Variants in LOXHD1 observed in about 807,000 individuals in gnomAD.
LOXHD1 encodes lipoxygenase homology PLAT domains 1, also known as lipoxygenase homology domain-containing protein 1.
LOXHD1 carries 205 observed loss-of-function variants against 248.2 expected under a neutral mutation model. The ratio of observed to expected loss-of-function variants is 0.83; its 90% CI spans 0.74 to 0.93. LOXHD1 has a LOEUF of 0.93. Among genes scored for constraint, LOXHD1 ranks in the 40% least tolerant of loss-of-function variants. LOXHD1 has a pLI of 0.00. For synonymous variants in LOXHD1, 1,113 were observed against 1,162.8 expected, an observed-to-expected ratio of 0.96 and a Z score of 0.87; for missense variants, 2,930 against 2,971.6, an observed-to-expected ratio of 0.99 and a Z score of 0.33.
At chr18:46,497,434 CT>C (rs2033944366) in intron 37 of LOXHD1, among the ~76,000 whole-genome samples, 1 of 152,108 alleles carries the variant, frequency 6.6e-6, no homozygotes, top group Non-Finnish European at 1.5e-5. Flanking sequence ...ATCAGGAAAA[CT>C]AAGAAAGTCT....
chr18:46,548,980 G>A lies in LOXHD1; in HGVS notation c.3351-1922C>T, dbSNP rs555904337. On this transcript the variant is annotated intron_variant, in intron 21 of 40. Transcript: ENST00000642948. ...CCTCTCAGAACCTGCTCCTTGTACC[G>A]ACAGAACCAAAGCAGGAGTCAGGTA... Among the ~76,000 whole-genome samples the A allele has an allele frequency of 4.8e-4, 73 of 152,248 alleles. 1 individual carries two copies. The South Asian group carries it at 0.014, about 29-fold the overall frequency.
chr18:46,508,592 C>G (rs867121029), intron 35 of LOXHD1, among the ~76,000 whole-genome samples: 3 of 152,222 alleles, frequency 2.0e-5, no homozygotes, highest in Non-Finnish European at 2.9e-5. Flanking sequence ...GTGTGTTGTT[C>G]TAAGCCTCTA....
intron 2 of LOXHD1, among the ~76,000 whole-genome samples, chr18:46,643,063 C>G (rs1003694773): frequency 1.3e-5 from 2 of 152,242 alleles, no homozygotes; most frequent in Non-Finnish European, 2.9e-5. Flanking sequence ...GGCTCAGACT[C>G]TCTTGGTAAT....
intron 13 of LOXHD1, among the ~76,000 whole-genome samples, chr18:46,578,201 T>C (rs1270959489): frequency 6.6e-6 from 1 of 152,234 alleles, no homozygotes; most frequent in Non-Finnish European, 1.5e-5. Flanking sequence ...TCTAGAGGGA[T>C]ACTGGGCCCC....
At chr18:46,592,175 T>A in intron 11 of LOXHD1, 107 bp from the exon 12 acceptor site, 3 of 1,421,568 alleles carry the variant, frequency 2.1e-6, no homozygotes, top group Non-Finnish European at 1.9e-6. Context: ...GGCTATTTCC[T>A]GGAGATAATC....
At chr18:46,642,945 A>T (rs561921264) in intron 2 of LOXHD1, among the ~76,000 whole-genome samples, 4 of 152,154 alleles carry the variant, frequency 2.6e-5, no homozygotes, top group Non-Finnish European at 5.9e-5. Context: ...CACACAGCTC[A>T]TGGGAAAGGA....
chr18:46,480,054 G>A (rs1472737509), intron 40 of LOXHD1, among the ~76,000 whole-genome samples: 2 of 152,082 alleles, frequency 1.3e-5, no homozygotes, highest in African/African-American at 4.8e-5. Flanking sequence ...AATTTGGATT[G>A]TTGTTACATA....
chr18:46,557,248 C>A, intron 21 of LOXHD1, 108 bp downstream of exon 21: 17 of 1,314,232 alleles, frequency 1.3e-5, no homozygotes, highest in Non-Finnish European at 1.7e-5. Context: ...CCCTCACCCT[C>A]CACCGTCACA....
intron 25 of LOXHD1, among the ~76,000 whole-genome samples, chr18:46,541,533 T>C (rs1006329197): frequency 3.3e-5 from 5 of 152,238 alleles, no homozygotes; most frequent in African/African-American, 1.2e-4. Context: ...TTAGGTTCTC[T>C]ACATGTTGTC....
chr18:46,480,232 GCTCT>G (rs753610877), intron 40 of LOXHD1, among the ~76,000 whole-genome samples: 1 of 151,662 alleles, frequency 6.6e-6, no homozygotes, highest in East Asian at 1.9e-4. Flanking sequence ...TCTTTGCTTG[GCTCT>G]CTTTCTTTCT....
Position 46,648,696 on chromosome 18 carries a change from C to T in LOXHD1, c.245+459G>A, listed in dbSNP as rs79589020. ...CAAGCACACACACAAGCAATCCCTG[C>T]GGCTAGCTGAGTGTGCAATGGCTGG... is the stretch of plus-strand genomic sequence containing the variant. On this transcript the variant is annotated intron_variant, in intron 2 of 40. Transcript: ENST00000642948. Among the ~76,000 whole-genome samples, 37 of 152,294 alleles carry T rather than the reference C, an allele frequency of 2.4e-4. No individual in the cohort carries two copies. In the East Asian group the frequency reaches 4.2e-3, roughly 17 times the overall value.
chr18:46,639,658 G>C lies in LOXHD1; in HGVS notation c.469C>G (p.Arg157Gly). Residue 157 changes from arginine (R) to glycine (G), a missense_variant, in exon 4 of 41, where the codon CGT becomes GGT. Coordinates refer to ENST00000642948, the MANE Select transcript of LOXHD1 (RefSeq NM_001384474.1). Reference sequence around the variant, plus strand: ...GGGTTGAAGCTGGCCAGCAGGTCACGGCACCACTGGCGGTCACCTTCCACC... The same window carrying C: ...GGGTTGAAGCTGGCCAGCAGGTCACCGCACCACTGGCGGTCACCTTCCACC... ...SKVEGDRQWC[R>G]DLLASFNPMD... 1 of 1,551,746 alleles carries C rather than the reference G, an allele frequency of 6.4e-7. No individual in the cohort carries two copies. The highest frequency in any genetic ancestry group is 8.7e-7 in the Non-Finnish European group (1 of 1,146,994).
intron 12 of LOXHD1, among the ~76,000 whole-genome samples, chr18:46,589,365 G>C (rs1027930475): frequency 1.3e-5 from 2 of 152,146 alleles, no homozygotes; most frequent in Non-Finnish European, 2.9e-5. Context: ...GCCCTTGCTT[G>C]ACAGAAGCAA....
chr18:46,620,207 T>C (rs937279188), intron 4 of LOXHD1, among the ~76,000 whole-genome samples: 2 of 152,220 alleles, frequency 1.3e-5, no homozygotes, highest in African/African-American at 4.8e-5. Context: ...CTTGATTCTC[T>C]CCTCCCTGGC....
chr18:46,538,817 C>T (rs78430284), intron 25 of LOXHD1, among the ~76,000 whole-genome samples: 1,938 of 152,284 alleles, frequency 0.013, 44 homozygotes, highest in African/African-American at 0.044. Context: ...GGCCAGTCTA[C>T]GGTAGTGAGC....
intron 7 of LOXHD1, 188 bp from the exon 8 acceptor site, chr18:46,601,655 AGTTT>A: frequency 2.7e-6 from 2 of 733,556 alleles, no homozygotes; most frequent in Non-Finnish European, 4.5e-6. Flanking sequence ...TCTTTTCCAG[AGTTT>A]GTGTGTCCAA....
At chr18:46,560,052 T>TGGCCCCCCCC in intron 19 of LOXHD1, 31 bp downstream of exon 19, 13 of 441,120 alleles carry the variant, frequency 2.9e-5, no homozygotes, top group Non-Finnish European at 4.3e-5. Context: ...GGCCACTCCC[T>TGGCCCCCCCC]CCCCACCCCC....
intron 38 of LOXHD1, 25 bp downstream of exon 38, chr18:46,488,947 T>G: frequency 6.5e-7 from 1 of 1,544,486 alleles, no homozygotes; most frequent in South Asian, 1.2e-5. Flanking sequence ...GCCTCCCTCC[T>G]GAGCCAATGA....
At chr18:46,541,978 G>C (rs1398997067) in intron 24 of LOXHD1, 38 bp from the exon 25 acceptor site, 3 of 1,512,852 alleles carry the variant, frequency 2.0e-6, no homozygotes, top group South Asian at 2.5e-5. Context: ...TCAAGGACCT[G>C]AGCAGAGATG....
Sources: gnomAD v4.1 joint callset for allele counts (sites outside exome capture counted in the v4.1 genomes callset) on GRCh38, gnomAD v4.1.1 for gene constraint, MANE v1.5 for transcripts, NCBI Gene and HGNC (gene_info 2026-07-23, HGNC 2026-07-21) for gene names.